ZBTB21: variants seen among roughly 807,000 people sequenced by gnomAD.
ZBTB21 encodes zinc finger and BTB domain containing 21.
A neutral mutation model predicts 39.8 loss-of-function variants in ZBTB21; 10 were observed. The ratio of observed to expected loss-of-function variants is 0.25; its 90% CI spans 0.16 to 0.43. The LOEUF is 0.43. Ranked by LOEUF, ZBTB21 falls within the 20% of genes least tolerant of loss-of-function variation. The pLI is 1.00. For missense variants in ZBTB21, 1,221 were observed against 1,296.3 expected (o/e 0.94, Z 0.89); for synonymous variants, 551 against 498.8 (o/e 1.10, Z -1.40).
Position 41,993,378 on chromosome 21 carries a change from C to T in ZBTB21, c.718G>A (p.Val240Met), listed in dbSNP as rs767565879. The change falls in exon 3 of 3, where the codon GTG becomes ATG. Residue 240 changes from valine (V) to methionine (M), a missense_variant. By Grantham distance (21) the Val-to-Met change is conservative. Coordinates refer to ENST00000310826, the MANE Select transcript of ZBTB21 (RefSeq NM_001098402.2). Reference sequence around the variant, plus strand: ...TCTTGCAGAGGCTTTGAAGGCAACACTGCATTTCTTTTCACCAAACTGATT... The same window carrying T: ...TCTTGCAGAGGCTTTGAAGGCAACATTGCATTTCTTTTCACCAAACTGATT... ...NRISLVKRNAVLPSKPLQDRE... is the reference protein window; with the variant it reads ...NRISLVKRNAMLPSKPLQDRE... 1.9e-6 allele frequency: 3 copies of T among 1,614,078 alleles called. No individual in the cohort carries two copies. Among genetic ancestry groups the T allele is most frequent in the South Asian group, 1.1e-5 (1 of 91,086 alleles).
At chr21:42,001,762 GTATTAACTCAA>G (rs1379161989) in intron 2 of ZBTB21, among the ~76,000 whole-genome samples, 1 of 152,126 alleles carries the variant, frequency 6.6e-6, no homozygotes, top group Non-Finnish European at 1.5e-5. Flanking sequence ...CACTTTTAAT[GTATTAACTCAA>G]TATTGACATC....
At chr21:42,010,107 G>A in intron 1 of ZBTB21, 145 bp downstream of exon 1, 1 of 387,736 alleles carries the variant, frequency 2.6e-6, no homozygotes, top group Non-Finnish European at 4.6e-6. Context: ...AGAAGCGCTC[G>A]GAGCCCGCAA....
chr21:41,999,704 C>A (rs768694431), intron 2 of ZBTB21, among the ~76,000 whole-genome samples: 2 of 151,932 alleles, frequency 1.3e-5, no homozygotes, highest in East Asian at 1.9e-4. Flanking sequence ...GTGAAGGAGG[C>A]GAGGGATGAG....
intron 2 of ZBTB21, among the ~76,000 whole-genome samples, chr21:42,001,540 T>C (rs1185739512): frequency 6.6e-6 from 1 of 152,330 alleles, no homozygotes; most frequent in East Asian, 1.9e-4. Context: ...AGACGCAGTA[T>C]AGATGACAGG....
At chr21:42,007,725 C>A (rs970935077) in intron 1 of ZBTB21, 6 of 152,208 alleles carry the variant, frequency 3.9e-5, no homozygotes, top group African/African-American at 1.4e-4. Context: ...TTTGCATGCA[C>A]GTATCCCTGA....
In ZBTB21 at chr21:41,987,445, A is replaced by G. The variant is rs554667127; in HGVS notation, c.*3450T>C. The stretch of plus-strand genomic sequence containing the variant: ...GTGCTAAAACCACAAAAAGCCATAA[A>G]TGAAAACCTATTTTTTAAAACTTAA... On this transcript the variant is annotated 3_prime_UTR_variant, in exon 3 of 3. Coordinates refer to ENST00000310826, the MANE Select transcript of ZBTB21 (RefSeq NM_001098402.2). 6.6e-6 allele frequency: 1 copy of G among 152,248 alleles called. No homozygotes were observed. The highest frequency in any genetic ancestry group is 1.5e-5 in the Non-Finnish European group (1 of 68,036). 9.4% of individuals were successfully genotyped at this position (152,248 alleles called of 1,614,324 possible). A position where few individuals can be genotyped will look rare whatever the true frequency, so the allele number is the denominator to read the frequency against.
intron 2 of ZBTB21, among the ~76,000 whole-genome samples, chr21:41,994,547 T>TA (rs2065720341): frequency 6.6e-6 from 1 of 152,132 alleles, no homozygotes; most frequent in African/African-American, 2.4e-5. Flanking sequence ...TACATATACT[T>TA]AAACATAATG....
chr21:41,993,909 C>T lies in ZBTB21; in HGVS notation c.187G>A (p.Glu63Lys). 1 of 1,614,136 alleles carries T rather than the reference C, an allele frequency of 6.2e-7. No homozygotes were observed. The highest frequency in any genetic ancestry group is 8.5e-7 in the Non-Finnish European group (1 of 1,179,998). The change falls in exon 3 of 3, where the codon GAA (glutamate) becomes AAA (lysine). Residue 63 changes from glutamate to lysine, a missense_variant. Physicochemically the swap from Glu to Lys is moderately conservative, Grantham distance 56. Transcript: ENST00000310826. ...TGAAATACAGTTTGTGACTCATTTT[C>T]CTTATTTGTGAATAAACTCTGAAAG... is the stretch of plus-strand genomic sequence containing the variant. ...EYFQSLFTNK[E>K]NESQTVFQLD...
Position 41,991,837 on chromosome 21 carries a change from G to A in ZBTB21, c.2259C>T (p.Cys753=), listed in dbSNP as rs201676218. The A allele has an allele frequency of 1.2e-6, 2 of 1,614,070 alleles. No individual in the cohort carries two copies. Among genetic ancestry groups the A allele is most frequent in the Admixed American group, 1.7e-5 (1 of 60,012 alleles). Residue 753 remains cysteine, a synonymous_variant, in exon 3 of 3, where the codon TGC becomes TGT. Transcript: ENST00000310826. The surrounding 1 kb of genome is among the most constrained non-coding windows in gnomAD (Gnocchi z 4.9). The part of the protein sequence containing the change: ...LCRNAAVCPY[C]SLRFFSPELK... Reference sequence around the variant, plus strand: ...GCTCGGGCGAGAAAAACCTGAGGCTGCAGTAAGGGCAGACGGCCGCGTTCC... The same window carrying A: ...GCTCGGGCGAGAAAAACCTGAGGCTACAGTAAGGGCAGACGGCCGCGTTCC...
Position 42,010,327 on chromosome 21 carries a change from C to CCGCTGT in ZBTB21, c.-160_-155dup. 1 of 397,330 alleles carries CCGCTGT rather than the reference C, an allele frequency of 2.5e-6. No homozygotes were observed. Among genetic ancestry groups the CCGCTGT allele is most frequent in the Non-Finnish European group, 4.4e-6 (1 of 225,288 alleles). The allele number at this position is 397,330 out of a possible 1,614,324, so 24.6% of individuals were successfully genotyped here. On this transcript the variant is annotated 5_prime_UTR_variant, in exon 1 of 3. Coordinates refer to ENST00000310826, the MANE Select transcript of ZBTB21 (RefSeq NM_001098402.2). ...CTCGCGCGCGCCGCAGCCGCCGCTG[C>CCGCTGT]CGCTGTGATTCCATCCATCTTGAAT...
Position 41,994,034 on chromosome 21 carries a change from T to C in ZBTB21, c.62A>G (p.Asn21Ser). Residue 21 changes from asparagine to serine, a missense_variant, in exon 3 of 3, where the codon AAT becomes AGT. This residue lies in a region of ZBTB21 where 108 missense variants were observed against 155.0 expected (regional missense o/e 0.70). Transcript: ENST00000310826. The stretch of plus-strand genomic sequence containing the variant: ...CAGCTGTCCTTTGAGACGCTCCTCA[T>C]TCAGGGCACTTAGGAGAGAAATGGC... ...AHAISLLSAL[N>S]EERLKGQLCD... The C allele has an allele frequency of 6.2e-7, 1 of 1,614,134 alleles. No individual in the cohort carries two copies. The highest frequency in any genetic ancestry group is 8.5e-7 in the Non-Finnish European group (1 of 1,180,010).
In ZBTB21 at chr21:42,005,023, C is replaced by T. The variant is rs564792303; in HGVS notation, c.-78-2062G>A. Reference sequence around the variant, plus strand: ...CCTTCAAGAGGAGTCATGTTACTATCTTGTATTCCATTTCACCACACTTTC... The same window carrying T: ...CCTTCAAGAGGAGTCATGTTACTATTTTGTATTCCATTTCACCACACTTTC... On this transcript the variant is annotated intron_variant, in intron 1 of 2. Coordinates refer to ENST00000310826, the MANE Select transcript of ZBTB21 (RefSeq NM_001098402.2). Among the ~76,000 whole-genome samples the T allele has an allele frequency of 1.5e-4, 23 of 152,324 alleles. 1 individual carries two copies. In the South Asian group the frequency reaches 2.5e-3, roughly 16 times the overall value.
At chr21:42,009,814 C>T (rs1032047051) in intron 1 of ZBTB21, among the ~76,000 whole-genome samples, 1 of 152,022 alleles carries the variant, frequency 6.6e-6, no homozygotes, top group Non-Finnish European at 1.5e-5. Flanking sequence ...CCCCGCGGCC[C>T]GGGCCGCCGG....
Position 41,993,350 on chromosome 21 carries a change from C to A in ZBTB21, c.746G>T (p.Arg249Ile), listed in dbSNP as rs116512504. The change falls in exon 3 of 3, where the codon AGA becomes ATA. Residue 249 changes from arginine to isoleucine, a missense_variant. Coordinates refer to ENST00000310826, the MANE Select transcript of ZBTB21 (RefSeq NM_001098402.2). ...AVLPSKPLQD[R>I]EAMDDKPGVS... ...ACCTGGTTTATCATCCATAGCTTCT[C>A]TGTCTTGCAGAGGCTTTGAAGGCAA... 4.5e-4 allele frequency: 733 copies of A among 1,613,796 alleles called. 1 individual carries two copies. The African/African-American group carries it at 9.0e-3, about 20-fold the overall frequency.
intron 2 of ZBTB21, among the ~76,000 whole-genome samples, chr21:42,001,220 C>T (rs1003630448): frequency 6.6e-6 from 1 of 152,194 alleles, no homozygotes; most frequent in Non-Finnish European, 1.5e-5. Flanking sequence ...ACGACACTGC[C>T]TCTAGTTTCC....
chr21:41,993,300 T>C lies in ZBTB21; in HGVS notation c.796A>G (p.Lys266Glu). Reference protein sequence around the residue: ...PGVSGQLPKGKALELALKRPR... With the variant: ...PGVSGQLPKGEALELALKRPR... Reference sequence around the variant, plus strand: ...CTCTTCAAAGCCAGCTCTAGAGCTTTTCCTTTTGGAAGCTGACCACTCACA... The same window carrying C: ...CTCTTCAAAGCCAGCTCTAGAGCTTCTCCTTTTGGAAGCTGACCACTCACA... The change falls in exon 3 of 3, where the codon AAA becomes GAA. Residue 266 changes from lysine to glutamate, a missense_variant. Transcript: ENST00000310826. 6.2e-7 allele frequency: 1 copy of C among 1,613,266 alleles called. No homozygotes were observed. Among genetic ancestry groups the C allele is most frequent in the Non-Finnish European group, 8.5e-7 (1 of 1,179,974 alleles).
chr21:41,996,982 A>G (rs2065754909), intron 2 of ZBTB21, among the ~76,000 whole-genome samples: 1 of 152,192 alleles, frequency 6.6e-6, no homozygotes, highest in Non-Finnish European at 1.5e-5. Flanking sequence ...CCCCAGTCAC[A>G]TGGACCTGTG....
At chr21:41,994,295 TTAAG>T (rs2065716570) in intron 2 of ZBTB21, among the ~76,000 whole-genome samples, 187 bp from the exon 3 acceptor site, 1 of 152,148 alleles carries the variant, frequency 6.6e-6, no homozygotes, top group Non-Finnish European at 1.5e-5. Flanking sequence ...GTCTCGTGGT[TTAAG>T]TAGGTCCTCA....
chr21:42,007,098 T>A (rs990558332), intron 1 of ZBTB21, among the ~76,000 whole-genome samples: 1 of 152,272 alleles, frequency 6.6e-6, no homozygotes, highest in Non-Finnish European at 1.5e-5. Context: ...ACCATTTACA[T>A]GTTTATTCAC....
Sources: gnomAD v4.1 joint callset for allele counts (sites outside exome capture counted in the v4.1 genomes callset) on GRCh38, gnomAD v4.1.1 for gene constraint, gnomAD v4.1.1 regional missense constraint, Gnocchi (gnomAD v3.1) non-coding constraint, MANE v1.5 for transcripts, NCBI Gene and HGNC (gene_info 2026-07-23, HGNC 2026-07-21) for gene names.